Variants in NKAIN3 observed in about 807,000 individuals in gnomAD.
NKAIN3 encodes sodium/potassium-transporting ATPase subunit beta-1-interacting protein 3.
NKAIN3 carries 25 observed loss-of-function variants against 30.2 expected under a neutral mutation model. That is an observed-to-expected ratio of 0.83 (90% confidence interval 0.60 to 1.16). The LOEUF (loss-of-function observed/expected upper bound fraction) is 1.16. NKAIN3 is among the 50% of genes most tolerant of loss of function. The pLI, the probability that NKAIN3 is intolerant of heterozygous loss-of-function variation, is 0.00. For missense variants in NKAIN3, 225 were observed against 254.1 expected, an observed-to-expected ratio of 0.89 and a Z score of 0.78; for synonymous variants, 91 against 89.6, an observed-to-expected ratio of 1.02 and a Z score of -0.09.
chr8:62,881,799 A>G (rs1450077789), intron 4 of NKAIN3, among the ~76,000 whole-genome samples: 1 of 152,222 alleles, frequency 6.6e-6, no homozygotes, highest in Non-Finnish European at 1.5e-5. Context: ...TTAGTTTTCT[A>G]AGAAACTGCC....
intron 1 of NKAIN3, among the ~76,000 whole-genome samples, chr8:62,561,174 T>C (rs967127460): frequency 6.6e-6 from 1 of 152,146 alleles, no homozygotes; most frequent in Non-Finnish European, 1.5e-5. Context: ...ATTTTACCTC[T>C]TCCAAATGTG....
At chr8:62,260,077 A>G (rs1014952502) in intron 1 of NKAIN3, among the ~76,000 whole-genome samples, 1 of 152,168 alleles carries the variant, frequency 6.6e-6, no homozygotes, top group Non-Finnish European at 1.5e-5. Context: ...AAGTATTGAA[A>G]GAGGATTTTA....
At chr8:62,421,696 C>T (rs1804647217) in intron 1 of NKAIN3, among the ~76,000 whole-genome samples, 1 of 151,864 alleles carries the variant, frequency 6.6e-6, no homozygotes, top group African/African-American at 2.4e-5. Flanking sequence ...CACAGGAAAC[C>T]AGGCTGTAGC....
At chr8:62,264,235 A>G (rs920008502) in intron 1 of NKAIN3, among the ~76,000 whole-genome samples, 2 of 152,136 alleles carry the variant, frequency 1.3e-5, no homozygotes, top group Non-Finnish European at 2.9e-5. Flanking sequence ...TGAAAGGAAT[A>G]TATTCCCCGC....
At chr8:62,671,385 G>A (rs771459858) in intron 3 of NKAIN3, among the ~76,000 whole-genome samples, 1 of 152,144 alleles carries the variant, frequency 6.6e-6, no homozygotes, top group Non-Finnish European at 1.5e-5. Context: ...GTATTGACTT[G>A]AGAATAGAGA....
At chr8:62,553,147 T>C (rs1809270369) in intron 1 of NKAIN3, among the ~76,000 whole-genome samples, 1 of 152,186 alleles carries the variant, frequency 6.6e-6, no homozygotes, top group African/African-American at 2.4e-5. Context: ...ATTATTCACC[T>C]ACTTAATTCC....
At chr8:62,334,461 T>A (rs1229296974) in intron 1 of NKAIN3, among the ~76,000 whole-genome samples, 1 of 152,116 alleles carries the variant, frequency 6.6e-6, no homozygotes, top group African/African-American at 2.4e-5. Context: ...AGTCCTTGCA[T>A]TAGAACCTCC....
At chr8:62,728,295 TGATTA>T (rs1815322530) in intron 3 of NKAIN3, among the ~76,000 whole-genome samples, 1 of 152,090 alleles carries the variant, frequency 6.6e-6, no homozygotes, top group African/African-American at 2.4e-5. Flanking sequence ...AAGAATGAAT[TGATTA>T]AAGTATAATA....
At chr8:62,726,898 A>G (rs1235343321) in intron 3 of NKAIN3, among the ~76,000 whole-genome samples, 2 of 152,150 alleles carry the variant, frequency 1.3e-5, no homozygotes, top group African/African-American at 4.8e-5. Context: ...GAAAATGACA[A>G]GAACAGGAAA....
intron 1 of NKAIN3, among the ~76,000 whole-genome samples, chr8:62,446,512 A>G (rs992832790): frequency 3.9e-5 from 6 of 152,126 alleles, no homozygotes; most frequent in African/African-American, 1.4e-4. Flanking sequence ...TGTACACTCC[A>G]TTGGCACTAA....
chr8:62,829,422 C>T (rs1451454963), intron 4 of NKAIN3, among the ~76,000 whole-genome samples: 1 of 151,994 alleles, frequency 6.6e-6, no homozygotes, highest in Non-Finnish European at 1.5e-5. Flanking sequence ...TCACACGTCA[C>T]TACCACAAAA....
intron 1 of NKAIN3, among the ~76,000 whole-genome samples, chr8:62,423,495 C>G (rs1338930693): frequency 2.0e-5 from 3 of 151,010 alleles, no homozygotes; most frequent in South Asian, 2.1e-4. Context: ...CACACACTGC[C>G]TAAATTTGAA....
rs373766688 is a variant in NKAIN3 at position 62,916,949 on chromosome 8, C to A, written c.472-1504C>A. Among the ~76,000 whole-genome samples, 4 of 152,076 alleles carry A rather than the reference C, an allele frequency of 2.6e-5. No homozygotes were observed. The East Asian group carries it at 5.8e-4, about 22-fold the overall frequency. ...GTTCTTCAGAATCCCACCCCACCCCCCTTTAGGATCCCTACCTGTTTCTCG... is the reference window on the plus strand; with the variant it reads ...GTTCTTCAGAATCCCACCCCACCCCACTTTAGGATCCCTACCTGTTTCTCG... On this transcript the variant is annotated intron_variant, in intron 4 of 6. Transcript: ENST00000623646.
chr8:62,985,304 TA>T (rs1824180195), downstream of NKAIN3, among the ~76,000 whole-genome samples: 1 of 152,234 alleles, frequency 6.6e-6, no homozygotes, highest in Non-Finnish European at 1.5e-5. Flanking sequence ...CCTTTGTAAC[TA>T]ACAAGTGTTA....
intron 3 of NKAIN3, among the ~76,000 whole-genome samples, 172 bp downstream of exon 3, chr8:62,589,966 A>T (rs1021481300): frequency 6.6e-6 from 1 of 150,674 alleles, no homozygotes; most frequent in Non-Finnish European, 1.5e-5. Context: ...CCACTTAGGA[A>T]AGAATGATCT....
At chr8:62,346,787 G>A (rs77651983) in intron 1 of NKAIN3, among the ~76,000 whole-genome samples, 6,267 of 152,132 alleles carry the variant, frequency 0.041, 272 homozygotes, top group African/African-American at 0.11. Context: ...GAGTTAGATT[G>A]AATTTTCTGA....
At chr8:62,425,592 T>G (rs1712682568) in intron 1 of NKAIN3, among the ~76,000 whole-genome samples, 1 of 151,928 alleles carries the variant, frequency 6.6e-6, no homozygotes, top group South Asian at 2.1e-4. Context: ...ATTTGACTTG[T>G]AGTCAGCTAA....
intron 3 of NKAIN3, among the ~76,000 whole-genome samples, chr8:62,739,866 C>T (rs996155770): frequency 6.6e-6 from 1 of 152,136 alleles, no homozygotes; most frequent in African/African-American, 2.4e-5. Context: ...TTATAGCCAA[C>T]ATCAGTGGCA....
intron 3 of NKAIN3, 140 bp from the exon 4 acceptor site, chr8:62,746,792 C>T: frequency 1.7e-6 from 1 of 593,374 alleles, no homozygotes. Flanking sequence ...CCACTTGGGG[C>T]TTTGTCTTTT....
Sources: allele counts gnomAD v4.1 joint callset (sites outside exome capture counted in the v4.1 genomes callset), GRCh38; gene constraint gnomAD v4.1.1; transcripts MANE v1.5; gene names NCBI Gene and HGNC (gene_info 2026-07-23, HGNC 2026-07-21).